The following TAF9B variants were observed in gnomAD, a reference collection of about 807,000 sequenced individuals.
TAF9B encodes transcription initiation factor TFIID subunit 9B.
In TAF9B, 47 loss-of-function variants were observed where a neutral mutation model predicts 17.6. The ratio of observed to expected loss-of-function variants is 2.68; its 90% CI spans 2.12 to 3.41. The LOEUF (loss-of-function observed/expected upper bound fraction) is 3.41. TAF9B is among the 30% of genes most tolerant of loss of function. The pLI is 0.00. For missense variants in TAF9B, 218 were observed against 189.3 expected, an observed-to-expected ratio of 1.15 and a Z score of -0.89; for synonymous variants, 84 against 68.7, an observed-to-expected ratio of 1.22 and a Z score of -1.10.
At chrX:78,136,864 G>C in intron 5 of TAF9B, 51 bp downstream of exon 5, 1 of 950,197 alleles carries the variant, frequency 1.1e-6, no homozygotes, top group South Asian at 2.0e-5. Context: ...AAAACCAAGT[G>C]CTGAGGCACT....
At chrX:78,132,654 TATGAAGTA>T (rs2078418587) in intron 6 of TAF9B, among the ~76,000 whole-genome samples, 1 of 108,519 alleles carries the variant, frequency 9.2e-6, no homozygotes, top group Non-Finnish European at 1.9e-5. Flanking sequence ...GTGTGTATCC[TATGAAGTA>T]AAGGTACAAT....
chrX:78,135,796 G>T (rs1557249974), intron 5 of TAF9B, among the ~76,000 whole-genome samples: 1 of 111,422 alleles, frequency 9.0e-6, no homozygotes, highest in African/African-American at 3.3e-5. Context: ...CAGCCTAGGG[G>T]TTTAAAAAAG....
At chrX:78,136,103 G>A (rs1195549427) in intron 5 of TAF9B, among the ~76,000 whole-genome samples, 6 of 110,975 alleles carry the variant, frequency 5.4e-5, no homozygotes, top group African/African-American at 2.0e-4. Context: ...GGTGAAAAGG[G>A]ACTTTTCTGA....
chrX:78,133,373 T>C lies in TAF9B; in HGVS notation c.557A>G (p.Gln186Arg). The C allele has an allele frequency of 8.3e-7, 1 of 1,211,672 alleles. No individual in the cohort carries two copies. Among genetic ancestry groups the C allele is most frequent in the Non-Finnish European group, 1.1e-6 (1 of 895,090 alleles). The change falls in exon 6 of 7, where the codon CAG becomes CGG. Residue 186 changes from glutamine (Q) to arginine (R), a missense_variant. Coordinates refer to ENST00000341864, the MANE Select transcript of TAF9B (RefSeq NM_015975.5). The part of the protein sequence containing the change: ...MSVTSQRFTV[Q>R]IPPSQSTPVK... ...AGGTGTGGACTGAGAAGGTGGAATC[T>C]GCACCGTAAATCTTTGGCTTGTCAC...
At chrX:78,134,955 A>ATTT (rs569869340) in intron 5 of TAF9B, among the ~76,000 whole-genome samples, 1 of 95,770 alleles carries the variant, frequency 1.0e-5, no homozygotes, top group South Asian at 5.0e-4. Context: ...AATCATTTTA[A>ATTT]TTTTTTTTTT....
intron 2 of TAF9B, among the ~76,000 whole-genome samples, chrX:78,138,409 C>G (rs1209561023): frequency 8.9e-6 from 1 of 112,749 alleles, no homozygotes; most frequent in Non-Finnish European, 1.9e-5. Flanking sequence ...CTAGCTTGAG[C>G]TCCTTTCGTT....
intron 5 of TAF9B, among the ~76,000 whole-genome samples, chrX:78,136,677 A>G (rs2078435506): frequency 8.9e-6 from 1 of 112,273 alleles, no homozygotes; most frequent in Non-Finnish European, 1.9e-5. Context: ...TATACCAACA[A>G]CAATGGGGGC....
chrX:78,131,613 C>T lies in TAF9B; in HGVS notation c.753G>A (p.Met251Ile). The part of the protein sequence containing the change: ...KHEDDDDNDI[M>I] Reference sequence around the variant, plus strand: ...CATCTAGACTAGACTATATTCCTTACATAATATCATTGTCATCATCATCTT... The same window carrying T: ...CATCTAGACTAGACTATATTCCTTATATAATATCATTGTCATCATCATCTT... Residue 251 changes from methionine (M) to isoleucine (I), a missense_variant, in exon 7 of 7, where the codon ATG (methionine) becomes ATA (isoleucine). Met to Ile is a conservative substitution (Grantham distance 10). Coordinates refer to ENST00000341864, the MANE Select transcript of TAF9B (RefSeq NM_015975.5). 8.3e-7 allele frequency: 1 copy of T among 1,209,116 alleles called. No homozygotes were observed. The highest frequency in any genetic ancestry group is 3.0e-5 in the East Asian group (1 of 33,809).
Position 78,133,328 on chromosome X carries a change from A to G in TAF9B, c.592+10T>C, listed in dbSNP as rs1557249718. Reference sequence around the variant, plus strand: ...TCACAAATTCTGTCCCCCACTCCCAATCACATTACCTGGTTTGACAGGTGT... The same window carrying G: ...TCACAAATTCTGTCCCCCACTCCCAGTCACATTACCTGGTTTGACAGGTGT... On this transcript the variant is annotated intron_variant, in intron 6 of 6. Transcript: ENST00000341864. 3 of 1,183,591 alleles carry G rather than the reference A, an allele frequency of 2.5e-6. No individual in the cohort carries two copies. The highest frequency in any genetic ancestry group is 1.8e-5 in the South Asian group (1 of 55,918).
rs1569550994 is a variant in TAF9B, at chrX:78,131,712, A to G, written c.654T>C (p.Asn218=). 8.3e-7 allele frequency: 1 copy of G among 1,210,240 alleles called. No homozygotes were observed. Among genetic ancestry groups the G allele is most frequent in the Admixed American group, 2.2e-5 (1 of 45,998 alleles). The change falls in exon 7 of 7, where the codon AAT becomes AAC. Residue 218 remains asparagine, a synonymous_variant. Coordinates refer to ENST00000341864, the MANE Select transcript of TAF9B (RefSeq NM_015975.5). The stretch of plus-strand genomic sequence containing the variant: ...AAACCATGTTGGTGGTAATAAGAAT[A>G]TTTTTGGGCCCAATCATTGAAGGAT... ...LINPSMIGPK[N]ILITTNMVSS...
chrX:78,135,822 G>T (rs782298404), intron 5 of TAF9B, among the ~76,000 whole-genome samples: 1 of 111,939 alleles, frequency 8.9e-6, no homozygotes, highest in South Asian at 3.7e-4. Context: ...ATTCATTTAA[G>T]TAATGTGAAC....
At chrX:78,132,652 C>T (rs1167192815) in intron 6 of TAF9B, among the ~76,000 whole-genome samples, 1 of 100,988 alleles carries the variant, frequency 9.9e-6, no homozygotes, top group Non-Finnish European at 2.0e-5. Context: ...GTGTGTGTAT[C>T]CTATGAAGTA....
At chrX:78,132,492 T>C (rs1472481965) in intron 6 of TAF9B, among the ~76,000 whole-genome samples, 3 of 111,299 alleles carry the variant, frequency 2.7e-5, no homozygotes, top group African/African-American at 9.8e-5. Flanking sequence ...AGGAATCACT[T>C]CCCTAATAGG....
Position 78,131,833 on chromosome X carries a change from CAT to C in TAF9B, c.593-62_593-61del, listed in dbSNP as rs782429237. 1.6e-4 allele frequency: 169 copies of C among 1,062,518 alleles called. 1 individual carries two copies. The South Asian group carries it at 2.6e-3, about 16-fold the overall frequency. The allele number at this position is 1,062,518 out of a possible 1,213,427, so 87.6% of individuals were successfully genotyped here. A position where few individuals can be genotyped will look rare whatever the true frequency, so the allele number is the denominator to read the frequency against. ...GCTATGAATTACCCAGAATCTGAAA[CAT>C]ATGATAAAAAGTATACAACAAAGCT... On this transcript the variant is annotated intron_variant, in intron 6 of 6. Coordinates refer to ENST00000341864, the MANE Select transcript of TAF9B (RefSeq NM_015975.5).
chrX:78,136,914 C>A lies in TAF9B; in HGVS notation c.481+1G>T. ...AAATGCCATTGTCTCCTCTCACTTA[C>A]CTATAGTAGGAGTAGTAGGTTTGCT... On this transcript the variant is annotated splice_donor_variant, in intron 5 of 6. Coordinates refer to ENST00000341864, the MANE Select transcript of TAF9B (RefSeq NM_015975.5). LOFTEE classifies it high-confidence loss of function. The A allele has an allele frequency of 8.4e-7, 1 of 1,194,361 alleles. No homozygotes were observed. The highest frequency in any genetic ancestry group is 1.1e-6 in the Non-Finnish European group (1 of 881,209).
Position 78,138,883 on chromosome X carries a change from A to C in TAF9B, c.93T>G (p.Tyr31Ter). The change falls in exon 2 of 7, where the codon TAT becomes TAG. Residue 31 changes from tyrosine to a stop codon, truncating the protein, a stop_gained. Coordinates refer to ENST00000341864, the MANE Select transcript of TAF9B (RefSeq NM_015975.5). LOFTEE classifies it high-confidence loss of function. ...QILKDMGITE[Y>*]EPRVINQMLE... ...ACATTTGATTTATAACCCTTGGTTC[A>C]TACTCTGTGATTCCCATATCCTTCA... 8.3e-7 allele frequency: 1 copy of C among 1,208,719 alleles called. No homozygotes were observed. Among genetic ancestry groups the C allele is most frequent in the Non-Finnish European group, 1.1e-6 (1 of 892,684 alleles).
chrX:78,138,241 GC>G, intron 2 of TAF9B, 143 bp from the exon 3 acceptor site: 1 of 666,887 alleles, frequency 1.5e-6, no homozygotes, highest in Non-Finnish European at 2.2e-6. Context: ...TCGCTATGTT[GC>G]CCAGGAAACT....
chrX:78,133,697 T>A (rs566013713), intron 5 of TAF9B, among the ~76,000 whole-genome samples: 1 of 111,702 alleles, frequency 9.0e-6, no homozygotes, highest in South Asian at 3.8e-4. Context: ...GAATACAGGC[T>A]CTCACCTACT....
In TAF9B at chrX:78,138,051, C is replaced by T. The variant is rs149136745; in HGVS notation, c.181G>A (p.Ala61Thr). The part of the protein sequence containing the change: ...LDDAKIYSSH[A>T]KKPNVDADDV... ...TCTGCATCAACATTAGGTTTCTTAG[C>T]ATGGCTCGAATAAATTTTTGCATCA... Residue 61 changes from alanine (A) to threonine (T), a missense_variant, in exon 3 of 7, where the codon GCT becomes ACT. Transcript: ENST00000341864. 183 of 1,206,854 alleles carry T rather than the reference C, an allele frequency of 1.5e-4. 1 individual carries two copies. The highest frequency in any genetic ancestry group is 6.6e-5 in the Admixed American group (3 of 45,433).
Sources: gnomAD v4.1 joint callset for allele counts (sites outside exome capture counted in the v4.1 genomes callset) on GRCh38, gnomAD v4.1.1 for gene constraint, MANE v1.5 for transcripts, NCBI Gene and HGNC (gene_info 2026-07-23, HGNC 2026-07-21) for gene names.